The following SCEL variants were observed in gnomAD, a reference collection of about 807,000 sequenced individuals.
SCEL encodes the protein sciellin.
A neutral mutation model predicts 117.6 loss-of-function variants in SCEL; 113 were observed. The observed-to-expected ratio is 0.96, with a 90% CI of 0.83 to 1.12. SCEL has a LOEUF of 1.12. SCEL is among the 50% of genes most tolerant of loss of function. The pLI, the probability that SCEL is intolerant of heterozygous loss-of-function variation, is 0.00. For synonymous variants in SCEL, 270 were observed against 256.2 expected, an observed-to-expected ratio of 1.05 and a Z score of -0.51; for missense variants, 785 against 810.8, an observed-to-expected ratio of 0.97 and a Z score of 0.39.
chr13:77,606,673 T>TAC (rs2154402396), intron 19 of SCEL: 1 of 152,334 alleles, frequency 6.6e-6, no homozygotes, highest in African/African-American at 2.4e-5. Flanking sequence ...TAATTATTGC[T>TAC]ACTTTGAGTC....
intron 28 of SCEL, among the ~76,000 whole-genome samples, chr13:77,629,378 AT>A (rs11391002): frequency 6.6e-6 from 1 of 151,054 alleles, no homozygotes; most frequent in African/African-American, 2.4e-5. Context: ...TGATAACCAA[AT>A]TTTTTTTTGC....
intron 1 of SCEL, among the ~76,000 whole-genome samples, chr13:77,540,192 AAAAT>A (rs2154393528): frequency 6.6e-6 from 1 of 152,368 alleles, no homozygotes; most frequent in South Asian, 2.1e-4. Flanking sequence ...AATTAAAAGA[AAAAT>A]AAATATTTAG....
At chr13:77,553,380 C>G (rs2084457611) in intron 1 of SCEL, among the ~76,000 whole-genome samples, 1 of 152,032 alleles carries the variant, frequency 6.6e-6, no homozygotes, top group African/African-American at 2.4e-5. Context: ...GCATTTTGAC[C>G]ACCTGAGAAT....
At chr13:77,564,876 T>C (rs2085198719) in intron 5 of SCEL, among the ~76,000 whole-genome samples, 1 of 152,218 alleles carries the variant, frequency 6.6e-6, no homozygotes. Context: ...AATGCTGGTA[T>C]CCTAAAGAGT....
rs1418726646 is a variant in SCEL at position 77,602,129 on chromosome 13, G to A, written c.977+5G>A. The A allele has an allele frequency of 6.2e-7, 1 of 1,609,636 alleles. No individual in the cohort carries two copies. The highest frequency in any genetic ancestry group is 8.5e-7 in the Non-Finnish European group (1 of 1,177,766). On this transcript the variant is annotated splice_donor_5th_base_variant and intron_variant, in intron 16 of 32. Transcript: ENST00000349847. Reference sequence around the variant, plus strand: ...GACTGACAAAAATGAGAAAGGGTAAGTCAATCTCCTACCTTGATGGAGCTC... The same window carrying A: ...GACTGACAAAAATGAGAAAGGGTAAATCAATCTCCTACCTTGATGGAGCTC...
At chr13:77,580,205 G>C (rs2086189390) in intron 9 of SCEL, among the ~76,000 whole-genome samples, 1 of 152,180 alleles carries the variant, frequency 6.6e-6, no homozygotes, top group South Asian at 2.1e-4. Context: ...AAAAGAAAGT[G>C]CAAGTGTCAT....
chr13:77,592,967 A>G (rs755491283), intron 11 of SCEL, among the ~76,000 whole-genome samples: 1 of 152,178 alleles, frequency 6.6e-6, no homozygotes, highest in African/African-American at 2.4e-5. Flanking sequence ...CTATGTGCTC[A>G]GGTGCTTCCA....
chr13:77,609,208 C>A, intron 21 of SCEL, 91 bp downstream of exon 21: 2 of 1,025,518 alleles, frequency 2.0e-6, no homozygotes, highest in Non-Finnish European at 2.8e-6. Context: ...GATGCTGAAC[C>A]CAATGATCCT....
chr13:77,570,961 A>G (rs1593973234), intron 8 of SCEL, among the ~76,000 whole-genome samples: 1 of 150,428 alleles, frequency 6.6e-6, no homozygotes, highest in African/African-American at 2.5e-5. Flanking sequence ...CCTCCCGAGT[A>G]GTTGGGAGTA....
At chr13:77,560,100 T>C (rs2084890945) in intron 4 of SCEL, among the ~76,000 whole-genome samples, 3 of 151,896 alleles carry the variant, frequency 2.0e-5, no homozygotes, top group Admixed American at 2.0e-4. Context: ...ACTGAGGTGA[T>C]CCTCCTGACA....
At position 77,556,797 on chromosome 13, in the gene SCEL, G is replaced by A. The variant is rs151034018; in HGVS notation, c.161+84G>A. 2.1e-4 allele frequency: 199 copies of A among 963,912 alleles called. No homozygotes were observed. In the African/African-American group the frequency reaches 2.7e-3, roughly 13 times the overall value. 59.7% of individuals were successfully genotyped at this position (963,912 alleles called of 1,614,324 possible). A position where few individuals can be genotyped will look rare whatever the true frequency, so the allele number is the denominator to read the frequency against. Reference sequence around the variant, plus strand: ...TGGGAAGCTAATGCTCATCTGAAAAGTGAATACTTTTCTCCTGAAACACTT... The same window carrying A: ...TGGGAAGCTAATGCTCATCTGAAAAATGAATACTTTTCTCCTGAAACACTT... On this transcript the variant is annotated intron_variant, in intron 3 of 32. Coordinates refer to ENST00000349847, the MANE Select transcript of SCEL (RefSeq NM_144777.3).
At chr13:77,552,574 A>G (rs934982833) in intron 1 of SCEL, among the ~76,000 whole-genome samples, 3 of 151,898 alleles carry the variant, frequency 2.0e-5, no homozygotes, top group Non-Finnish European at 4.4e-5. Flanking sequence ...GTTTGAGTTC[A>G]TTGTAGATTC....
chr13:77,620,758 C>G (rs2089365182), intron 27 of SCEL, among the ~76,000 whole-genome samples: 1 of 151,008 alleles, frequency 6.6e-6, no homozygotes, highest in African/African-American at 2.4e-5. Context: ...CTAGTGACAC[C>G]AAGGCCTTTA....
intron 4 of SCEL, among the ~76,000 whole-genome samples, chr13:77,561,168 C>T (rs1208522058): frequency 6.6e-6 from 1 of 152,164 alleles, no homozygotes; most frequent in Non-Finnish European, 1.5e-5. Flanking sequence ...AGAGGCTCAC[C>T]ATTTGAGTCC....
chr13:77,590,150 C>T (rs1460596934), intron 10 of SCEL, among the ~76,000 whole-genome samples: 2 of 151,998 alleles, frequency 1.3e-5, no homozygotes, highest in African/African-American at 2.4e-5. Flanking sequence ...TTAGTAGACA[C>T]AATTATAGAA....
At chr13:77,638,418 C>T (rs1435554236) in intron 30 of SCEL, among the ~76,000 whole-genome samples, 2 of 152,170 alleles carry the variant, frequency 1.3e-5, no homozygotes, top group African/African-American at 4.8e-5. Context: ...TCAAAAAGAT[C>T]TTTGACTAAC....
At chr13:77,589,101 C>T (rs2086722315) in intron 9 of SCEL, 43 bp from the exon 10 acceptor site, 1 of 1,424,020 alleles carries the variant, frequency 7.0e-7, no homozygotes, top group Admixed American at 1.8e-5. Context: ...TAAAATTTAC[C>T]ATGTTTCCAT....
intron 27 of SCEL, among the ~76,000 whole-genome samples, chr13:77,620,937 C>T (rs74404942): frequency 0.024 from 3,608 of 152,204 alleles, 134 homozygotes; most frequent in African/African-American, 0.082. Flanking sequence ...GCATATTTTT[C>T]ATATTTCTGT....
intron 14 of SCEL, 59 bp downstream of exon 14, chr13:77,599,447 C>A: frequency 7.1e-7 from 1 of 1,405,606 alleles, no homozygotes; most frequent in South Asian, 1.2e-5. Context: ...GTCTTATTCC[C>A]TCAGACATTA....
Sources: allele counts gnomAD v4.1 joint callset (sites outside exome capture counted in the v4.1 genomes callset), GRCh38; gene constraint gnomAD v4.1.1; transcripts MANE v1.5; gene names NCBI Gene and HGNC (gene_info 2026-07-23, HGNC 2026-07-21).